The following VWC2L variants were observed in gnomAD, a reference collection of about 807,000 sequenced individuals.
VWC2L encodes von Willebrand factor C domain containing 2 like.
A neutral mutation model predicts 21.6 loss-of-function variants in VWC2L; 10 were observed. The observed-to-expected ratio is 0.46, with a 90% CI of 0.29 to 0.78. The LOEUF (loss-of-function observed/expected upper bound fraction) is 0.78, where lower values mean the gene tolerates loss of function less well. Ranked by LOEUF, VWC2L falls within the 30% of genes least tolerant of loss-of-function variation. VWC2L has a pLI of 0.10. For missense variants in VWC2L, 209 were observed against 277.1 expected (o/e 0.75, Z 1.74); for synonymous variants, 96 against 94.3 (o/e 1.02, Z -0.10).
chr2:214,531,965 ATAC>A (rs1689443184), intron 3 of VWC2L, among the ~76,000 whole-genome samples: 1 of 152,154 alleles, frequency 6.6e-6, no homozygotes, highest in Admixed American at 6.5e-5. Context: ...TCATACCACA[ATAC>A]TACTATTTCT....
At chr2:214,547,041 C>T (rs939171987) in intron 3 of VWC2L, among the ~76,000 whole-genome samples, 1 of 152,102 alleles carries the variant, frequency 6.6e-6, no homozygotes, top group African/African-American at 2.4e-5. Flanking sequence ...TTTAGGGAGA[C>T]AGAGAGCAAA....
chr2:214,572,943 T>C (rs1690173620), intron 3 of VWC2L, among the ~76,000 whole-genome samples: 1 of 152,104 alleles, frequency 6.6e-6, no homozygotes, highest in African/African-American at 2.4e-5. Flanking sequence ...TTGCATTCTG[T>C]CAATCAATAT....
intron 3 of VWC2L, among the ~76,000 whole-genome samples, chr2:214,501,654 G>A (rs1035215399): frequency 8.6e-5 from 13 of 151,144 alleles, no homozygotes; most frequent in Admixed American, 3.3e-4. Context: ...CCTGGAAGGC[G>A]GAGGTTGCCA....
At chr2:214,543,415 T>C (rs563430874) in intron 3 of VWC2L, among the ~76,000 whole-genome samples, 28 of 152,348 alleles carry the variant, frequency 1.8e-4, no homozygotes, top group African/African-American at 5.8e-4. Context: ...GCTAATTCTA[T>C]TTTGCAATTT....
intron 3 of VWC2L, chr2:214,525,155 C>G (rs2105913226): frequency 6.6e-6 from 1 of 152,030 alleles, no homozygotes; most frequent in Admixed American, 6.6e-5. Flanking sequence ...TTCATCCTAT[C>G]CGGTCCATTT....
intron 3 of VWC2L, among the ~76,000 whole-genome samples, chr2:214,529,380 G>C (rs1178637138): frequency 6.6e-6 from 1 of 152,188 alleles, no homozygotes; most frequent in Non-Finnish European, 1.5e-5. Flanking sequence ...GACAGGTTCA[G>C]TATGTCCCTG....
chr2:214,549,909 C>CCCTTTCATTGCCTTATCTAGGTGCCT, intron 3 of VWC2L, among the ~76,000 whole-genome samples: 1 of 152,150 alleles, frequency 6.6e-6, no homozygotes, highest in Middle Eastern at 3.4e-3. Flanking sequence ...AGCCTTGATG[C>CCCTTTCATTGCCTTATCTAGGTGCCT]CCTTTCATTG....
chr2:214,471,865 G>C (rs570157321), intron 3 of VWC2L, among the ~76,000 whole-genome samples: 39 of 152,290 alleles, frequency 2.6e-4, no homozygotes, highest in Middle Eastern at 3.4e-3. Context: ...GCCAATGACA[G>C]GAAACCCAGC....
chr2:214,435,879 T>A (rs1702671312), intron 2 of VWC2L, among the ~76,000 whole-genome samples: 1 of 152,128 alleles, frequency 6.6e-6, no homozygotes, highest in South Asian at 2.1e-4. Flanking sequence ...CTAAACACTC[T>A]CGGCCGGTAA....
intron 3 of VWC2L, among the ~76,000 whole-genome samples, chr2:214,468,601 A>G (rs925495601): frequency 2.6e-5 from 4 of 152,334 alleles, no homozygotes; most frequent in African/African-American, 9.6e-5. Flanking sequence ...ATCGGCAGGG[A>G]AAAATTATAT....
intron 2 of VWC2L, among the ~76,000 whole-genome samples, chr2:214,424,147 G>T (rs1702487598): frequency 6.6e-6 from 1 of 152,004 alleles, no homozygotes; most frequent in African/African-American, 2.4e-5. Flanking sequence ...TTATTCTAAA[G>T]TTTCTCAGAT....
At chr2:214,563,584 A>T (rs1337634568) in intron 3 of VWC2L, among the ~76,000 whole-genome samples, 1 of 147,920 alleles carries the variant, frequency 6.8e-6, no homozygotes. Flanking sequence ...AAAAAAAATC[A>T]AGTGGTTCTA....
intron 3 of VWC2L, among the ~76,000 whole-genome samples, chr2:214,528,229 C>T (rs1027018387): frequency 6.6e-6 from 1 of 152,154 alleles, no homozygotes; most frequent in East Asian, 1.9e-4. Flanking sequence ...AACACAATAG[C>T]CTTAGAACTA....
intron 3 of VWC2L, chr2:214,534,039 T>C (rs1415787367): frequency 1.3e-5 from 2 of 152,548 alleles, no homozygotes; most frequent in Non-Finnish European, 2.9e-5. Context: ...GTTGCAGATA[T>C]TGGTGGCTGG....
intron 1 of VWC2L, among the ~76,000 whole-genome samples, chr2:214,413,514 A>C (rs1432791194): frequency 6.6e-6 from 1 of 152,200 alleles, no homozygotes; most frequent in African/African-American, 2.4e-5. Context: ...TATTTCAAAA[A>C]TCCAGACTCA....
intron 2 of VWC2L, among the ~76,000 whole-genome samples, chr2:214,435,966 G>C (rs1389753824): frequency 6.6e-6 from 1 of 151,818 alleles, no homozygotes; most frequent in Non-Finnish European, 1.5e-5. Context: ...CATTTTTAGA[G>C]TTTTTGACTC....
At chr2:214,536,402 C>A (rs1689529506) in intron 3 of VWC2L, among the ~76,000 whole-genome samples, 1 of 152,046 alleles carries the variant, frequency 6.6e-6, no homozygotes, top group African/African-American at 2.4e-5. Flanking sequence ...ATTGAAAACA[C>A]CTTGTAGTGT....
At chr2:214,461,612 T>C (rs1703141809) in intron 3 of VWC2L, among the ~76,000 whole-genome samples, 1 of 152,008 alleles carries the variant, frequency 6.6e-6, no homozygotes, top group African/African-American at 2.4e-5. Flanking sequence ...GGGAAACTAA[T>C]AGAATGGGGC....
At chr2:214,483,539 CTCTTT>C (rs557587569) in intron 3 of VWC2L, among the ~76,000 whole-genome samples, 6 of 152,088 alleles carry the variant, frequency 3.9e-5, no homozygotes, top group South Asian at 2.1e-4. Context: ...AAAATCTGTT[CTCTTT>C]TATCAATTAT....
Sources: allele counts gnomAD v4.1 joint callset (sites outside exome capture counted in the v4.1 genomes callset), GRCh38; gene constraint gnomAD v4.1.1; transcripts MANE v1.5; gene names NCBI Gene and HGNC (gene_info 2026-07-23, HGNC 2026-07-21).